ABLIM1: variants seen among roughly 807,000 people sequenced by gnomAD.
ABLIM1 encodes the protein actin-binding LIM protein 1.
A neutral mutation model predicts 107.0 loss-of-function variants in ABLIM1; 40 were observed. The ratio of observed to expected loss-of-function variants is 0.37; its 90% CI spans 0.29 to 0.49. ABLIM1 has a LOEUF of 0.49. ABLIM1 is among the 20% of genes least tolerant of loss of function. ABLIM1 has a pLI of 0.97. For missense variants in ABLIM1, 857 were observed against 1,008.5 expected (o/e 0.85, Z 2.04); for synonymous variants, 357 against 357.3 (o/e 1.00, Z 0.01).
At position 114,544,999 on chromosome 10, in the gene ABLIM1, A is replaced by T. The variant is rs1044413099; in HGVS notation, c.894+6T>A. On this transcript the variant is annotated splice_donor_region_variant and intron_variant, in intron 6 of 22. Transcript: ENST00000533213. ...GTAGCTATGAGGGAGCCGGTCTGCC[A>T]CTTACCTCCAGGACTTTCCCTGTGA... The T allele has an allele frequency of 8.7e-6, 14 of 1,613,958 alleles. No homozygotes were observed. The highest frequency in any genetic ancestry group is 1.2e-5 in the Non-Finnish European group (14 of 1,179,896).
chr10:114,568,121 C>T (rs2071048214), intron 4 of ABLIM1, among the ~76,000 whole-genome samples: 1 of 136,956 alleles, frequency 7.3e-6, no homozygotes, highest in Non-Finnish European at 1.5e-5. Flanking sequence ...ACCCGGGAAG[C>T]GGAGCTTGCA....
At chr10:114,780,697 C>T in the ABLIM1 span, among the ~76,000 whole-genome samples, 1 of 152,148 alleles carries the variant, frequency 6.6e-6, no homozygotes, top group Non-Finnish European at 1.5e-5. Flanking sequence ...GAGCTCAGTA[C>T]AAACCAACGG....
chr10:114,741,804 T>C (rs928455461), intron 1 of ABLIM1, among the ~76,000 whole-genome samples: 1 of 152,200 alleles, frequency 6.6e-6, no homozygotes, highest in African/African-American at 2.4e-5. Context: ...CACAAGTAAC[T>C]GACAGAGATT....
intron 8 of ABLIM1, among the ~76,000 whole-genome samples, chr10:114,479,624 A>G (rs1281605174): frequency 3.9e-5 from 6 of 152,166 alleles, no homozygotes; most frequent in African/African-American, 1.4e-4. Flanking sequence ...TGCCTACTGA[A>G]CTGTGCTCAA....
At chr10:114,713,898 G>T (rs1184230372) in intron 1 of ABLIM1, among the ~76,000 whole-genome samples, 1 of 152,250 alleles carries the variant, frequency 6.6e-6, no homozygotes, top group East Asian at 1.9e-4. Context: ...AACGAAGAGG[G>T]AACCAAGTGA....
rs915205648 is a variant in ABLIM1 at position 114,571,400 on chromosome 10, C to T, written c.570G>A (p.Pro190=). 1.7e-5 allele frequency: 27 copies of T among 1,614,016 alleles called. No individual in the cohort carries two copies. Among genetic ancestry groups the T allele is most frequent in the Middle Eastern group, 1.6e-4 (1 of 6,084 alleles). The change falls in exon 4 of 23, where the codon CCG becomes CCA. Residue 190 remains proline (P), a synonymous_variant. Coordinates refer to ENST00000533213, the MANE Select transcript of ABLIM1 (RefSeq NM_002313.7). The part of the protein sequence containing the change: ...NCFACTICKR[P]FPPGDRVTFN... ...ATGTGACTCGGTCTCCGGGTGGAAA[C>T]GGGCGCCTGGAGGCAGAAAGACATC...
At chr10:114,576,649 G>T (rs1442045463) in intron 2 of ABLIM1, among the ~76,000 whole-genome samples, 2 of 152,048 alleles carry the variant, frequency 1.3e-5, no homozygotes, top group East Asian at 1.9e-4. Flanking sequence ...CTTCAGTAAG[G>T]TTCTGATGAA....
chr10:114,657,531 C>T (rs2079580626), intron 1 of ABLIM1, among the ~76,000 whole-genome samples: 1 of 152,128 alleles, frequency 6.6e-6, no homozygotes, highest in African/African-American at 2.4e-5. Context: ...ACAAGACGAG[C>T]CCTCCCTACA....
At chr10:114,755,826 A>G (rs1399159687) in intron 1 of ABLIM1, among the ~76,000 whole-genome samples, 1 of 152,252 alleles carries the variant, frequency 6.6e-6, no homozygotes, top group Non-Finnish European at 1.5e-5. Context: ...ACAAGCCAGA[A>G]TGCTGAATAT....
chr10:114,762,095 G>A (rs558929733), intron 1 of ABLIM1, among the ~76,000 whole-genome samples: 117 of 151,808 alleles, frequency 7.7e-4, no homozygotes, highest in African/African-American at 2.6e-3. Context: ...GGGCAGTGGC[G>A]CATCTCTGCT....
intron 1 of ABLIM1, among the ~76,000 whole-genome samples, chr10:114,624,364 G>A (rs1438435780): frequency 6.6e-6 from 1 of 152,272 alleles, no homozygotes; most frequent in Non-Finnish European, 1.5e-5. Context: ...CAAATGCCAA[G>A]ATATGCTTCT....
intron 1 of ABLIM1, among the ~76,000 whole-genome samples, chr10:114,751,672 C>T (rs1319397941): frequency 6.6e-6 from 1 of 150,644 alleles, no homozygotes; most frequent in African/African-American, 2.4e-5. Context: ...GTCACCTGAA[C>T]CCAGGAAGTG....
chr10:114,506,199 C>T (rs538735424), intron 6 of ABLIM1, among the ~76,000 whole-genome samples: 18 of 152,262 alleles, frequency 1.2e-4, no homozygotes, highest in African/African-American at 2.4e-4. Flanking sequence ...GATTTTGTTC[C>T]GTTTTTGGCT....
chr10:114,594,568 G>A (rs925889930), intron 2 of ABLIM1, among the ~76,000 whole-genome samples: 1 of 152,078 alleles, frequency 6.6e-6, no homozygotes, highest in Non-Finnish European at 1.5e-5. Flanking sequence ...TGGCCAACAT[G>A]GTGAAACCCC....
At chr10:114,489,702 A>G (rs983323766) in intron 7 of ABLIM1, among the ~76,000 whole-genome samples, 11 of 152,170 alleles carry the variant, frequency 7.2e-5, no homozygotes, top group African/African-American at 2.4e-4. Context: ...TGGCCAGGAC[A>G]CCGGGTCTGC....
At chr10:114,704,336 T>A (rs867933060) in intron 1 of ABLIM1, among the ~76,000 whole-genome samples, 1 of 24,958 alleles carries the variant, frequency 4.0e-5, no homozygotes. Context: ...ATATATATAT[T>A]GCGCGCGTTA....
At chr10:114,624,867 C>T (rs2077688967) in intron 1 of ABLIM1, among the ~76,000 whole-genome samples, 1 of 151,684 alleles carries the variant, frequency 6.6e-6, no homozygotes, top group African/African-American at 2.4e-5. Flanking sequence ...AGCCACACTT[C>T]CTGGTAAGAG....
At chr10:114,491,012 G>GTGTGTGTGTGTGTGTGTGTGTGTGTA in intron 7 of ABLIM1, among the ~76,000 whole-genome samples, 1 of 92,396 alleles carries the variant, frequency 1.1e-5, no homozygotes, top group African/African-American at 4.6e-5. Context: ...GTGTGTGTGT[G>GTGTGTGTGTGTGTGTGTGTGTGTGTA]TATATATATA....
chr10:114,731,861 C>T lies in ABLIM1; in HGVS notation c.-213+36200G>A, dbSNP rs546741314. Among the ~76,000 whole-genome samples, 7 of 152,308 alleles carry T rather than the reference C, an allele frequency of 4.6e-5. No individual in the cohort carries two copies. In the East Asian group the frequency reaches 5.8e-4, roughly 13 times the overall value. ...CTGGCCTCAAATGATCCACCTGCCT[C>T]GGCCTCCCAAAGTGCTGGGATTACA... On this transcript the variant is annotated intron_variant, in intron 1 of 15. Coordinates refer to the ABLIM1 transcript ENST00000651092.
Sources: allele counts gnomAD v4.1 joint callset (sites outside exome capture counted in the v4.1 genomes callset), GRCh38; gene constraint gnomAD v4.1.1; transcripts MANE v1.5; gene names NCBI Gene and HGNC (gene_info 2026-07-23, HGNC 2026-07-21).